VWA8: variants seen among roughly 807,000 people sequenced by gnomAD.
VWA8 encodes the protein von Willebrand factor A domain-containing protein 8.
Under a neutral mutation model 241.5 loss-of-function variants are expected in VWA8, and 221 were observed. The observed-to-expected ratio is 0.91, with a 90% CI of 0.82 to 1.02. The LOEUF (loss-of-function observed/expected upper bound fraction) is 1.02, where lower values mean the gene tolerates loss of function less well. Ranked by LOEUF, VWA8 falls within the 50% of genes least tolerant of loss-of-function variation. The probability of loss-of-function intolerance (pLI) is 0.00; values close to 1 mark genes in which losing one functional copy is unlikely to be tolerated. For synonymous variants in VWA8, 852 were observed against 827.1 expected (o/e 1.03, Z -0.52); for missense variants, 2,322 against 2,328.7 (o/e 1.00, Z 0.06).
intron 24 of VWA8, among the ~76,000 whole-genome samples, chr13:41,726,492 TG>T (rs1264542659): frequency 1.3e-5 from 2 of 152,236 alleles, no homozygotes; most frequent in African/African-American, 2.4e-5. Flanking sequence ...CCAATCAATG[TG>T]AATCAGTCTC....
chr13:41,950,083 G>T, intron 1 of VWA8, 70 bp from the exon 2 acceptor site: 1 of 922,760 alleles, frequency 1.1e-6, no homozygotes, highest in East Asian at 2.7e-5. Context: ...ATGCAACAAT[G>T]CTTGTCCTGA....
chr13:41,829,547 A>G (rs939826204), intron 14 of VWA8, among the ~76,000 whole-genome samples: 7 of 142,654 alleles, frequency 4.9e-5, no homozygotes, highest in Non-Finnish European at 1.1e-4. Context: ...ACACACACAC[A>G]CACACACACA....
intron 12 of VWA8, among the ~76,000 whole-genome samples, chr13:41,849,739 T>C (rs1337949212): frequency 1.3e-5 from 2 of 151,860 alleles, no homozygotes; most frequent in African/African-American, 2.4e-5. Flanking sequence ...ATACAAAAAG[T>C]GGCCGGGCAC....
At chr13:41,661,096 T>C (rs1246083482) in intron 37 of VWA8, among the ~76,000 whole-genome samples, 1 of 152,056 alleles carries the variant, frequency 6.6e-6, no homozygotes, top group Admixed American at 6.5e-5. Context: ...AATCTCTTGA[T>C]CTTGTGATCC....
intron 1 of VWA8, among the ~76,000 whole-genome samples, chr13:41,960,507 C>T (rs1457636530): frequency 6.6e-6 from 1 of 152,178 alleles, no homozygotes; most frequent in Non-Finnish European, 1.5e-5. Flanking sequence ...TTCAATAATT[C>T]CATAGGGCTG....
chr13:41,918,029 G>C (rs75535296), intron 2 of VWA8, among the ~76,000 whole-genome samples: 3 of 151,998 alleles, frequency 2.0e-5, no homozygotes, highest in East Asian at 1.9e-4. Flanking sequence ...GGACATGAAG[G>C]GTGAAAATAT....
chr13:41,625,618 T>G (rs1205670286), intron 37 of VWA8, among the ~76,000 whole-genome samples: 2 of 152,102 alleles, frequency 1.3e-5, no homozygotes, highest in Non-Finnish European at 2.9e-5. Context: ...ATAGGAACAC[T>G]TTTACACTGT....
rs952447604 is a variant in VWA8, at chr13:41,699,119, T to A, written c.3516A>T (p.Ala1172=). ...GACCTTTGAGAGGACTTCCCAGCGG[T>A]GCCACTGTCACAAAAGGGTGCCAAA... is the stretch of plus-strand genomic sequence containing the variant. ...NGVWHPFVTV[A]PLGSPLKGQV... is the part of the protein sequence containing the mutation. The change falls in exon 29 of 45, where the codon GCA becomes GCT. Residue 1172 remains alanine, a synonymous_variant. Transcript: ENST00000379310. 1 of 1,614,066 alleles carries A rather than the reference T, an allele frequency of 6.2e-7. No homozygotes were observed. Among genetic ancestry groups the A allele is most frequent in the Non-Finnish European group, 8.5e-7 (1 of 1,179,962 alleles).
intron 37 of VWA8, among the ~76,000 whole-genome samples, chr13:41,662,537 TGTC>T (rs963411193): frequency 4.6e-5 from 7 of 151,054 alleles, no homozygotes; most frequent in Admixed American, 3.3e-4. Flanking sequence ...TTGTTTGTTT[TGTC>T]TTTTTTTTTT....
At chr13:41,659,566 C>G (rs1326785807) in intron 37 of VWA8, among the ~76,000 whole-genome samples, 1 of 152,148 alleles carries the variant, frequency 6.6e-6, no homozygotes, top group Non-Finnish European at 1.5e-5. Flanking sequence ...GTGTTCACAA[C>G]TGGAGTAACT....
intron 37 of VWA8, among the ~76,000 whole-genome samples, chr13:41,640,801 A>G (rs998154490): frequency 6.6e-6 from 1 of 152,234 alleles, no homozygotes; most frequent in African/African-American, 2.4e-5. Context: ...TAACAACAAA[A>G]AAAGCACTTT....
Position 41,622,467 on chromosome 13 carries a change from A to G in VWA8, c.4612-7383T>C, listed in dbSNP as rs1355468912. Among the ~76,000 whole-genome samples, 35 of 152,176 alleles carry G rather than the reference A, an allele frequency of 2.3e-4. 1 individual carries two copies. The highest frequency in any genetic ancestry group is 2.3e-3 in the Admixed American group (35 of 15,276). On this transcript the variant is annotated intron_variant, in intron 37 of 44. Transcript: ENST00000379310. ...TAAGTAATTCCAATTACTGACATAA[A>G]CACTACTGAATTCACTTAAAGGGAT...
intron 42 of VWA8, among the ~76,000 whole-genome samples, chr13:41,576,422 ATGG>A (rs2139636352): frequency 6.6e-6 from 1 of 152,394 alleles, no homozygotes; most frequent in South Asian, 2.1e-4. Context: ...CATGGGATAA[ATGG>A]TGGTTAGTCC....
At chr13:41,572,990 T>G (rs2044319471) in intron 43 of VWA8, among the ~76,000 whole-genome samples, 1 of 150,444 alleles carries the variant, frequency 6.6e-6, no homozygotes. Flanking sequence ...GCGCCTGTGA[T>G]CTCAGCTGCT....
chr13:41,617,378 C>G (rs2044627986), intron 37 of VWA8, among the ~76,000 whole-genome samples: 1 of 152,158 alleles, frequency 6.6e-6, no homozygotes, highest in Admixed American at 6.6e-5. Flanking sequence ...CTTGGCCTCC[C>G]AAAGTGCTGG....
intron 26 of VWA8, among the ~76,000 whole-genome samples, chr13:41,717,858 A>G (rs377105970): frequency 2.6e-5 from 4 of 152,178 alleles, no homozygotes; most frequent in African/African-American, 9.6e-5. Flanking sequence ...TTGGGGGACA[A>G]CTAGTTGTTT....
chr13:41,944,593 G>A (rs551257808), intron 2 of VWA8, among the ~76,000 whole-genome samples: 4 of 152,270 alleles, frequency 2.6e-5, no homozygotes, highest in South Asian at 2.1e-4. Flanking sequence ...GATTACAGGC[G>A]TGAGCCCAAT....
At chr13:41,706,545 G>C (rs2045283575) in intron 26 of VWA8, among the ~76,000 whole-genome samples, 2 of 152,234 alleles carry the variant, frequency 1.3e-5, no homozygotes, top group South Asian at 4.1e-4. Context: ...CCACTACTAA[G>C]ACCTCTGAAT....
Position 41,872,822 on chromosome 13 carries a change from A to C in VWA8, c.1081-4345T>G, listed in dbSNP as rs1227172868. ...TTTGGTTCCATATGAACTTTAAAGT[A>C]GTTTTTTCCAATTCTGTGAAGAAAG... On this transcript the variant is annotated intron_variant, in intron 9 of 44. Coordinates refer to ENST00000379310, the MANE Select transcript of VWA8 (RefSeq NM_015058.2). 6.6e-5 allele frequency among the ~76,000 whole-genome samples: 10 copies of C among 152,248 alleles called. No individual in the cohort carries two copies. In the South Asian group the frequency reaches 1.7e-3, roughly 25 times the overall value.
Sources: gnomAD v4.1 joint callset for allele counts (sites outside exome capture counted in the v4.1 genomes callset) on GRCh38, gnomAD v4.1.1 for gene constraint, MANE v1.5 for transcripts, NCBI Gene and HGNC (gene_info 2026-07-23, HGNC 2026-07-21) for gene names.